OR10H1: variants seen among roughly 807,000 people sequenced by gnomAD.
OR10H1 encodes the protein olfactory receptor 10H1.
A neutral mutation model predicts 13.1 loss-of-function variants in OR10H1; 12 were observed. That is an observed-to-expected ratio of 0.92 (90% confidence interval 0.59 to 1.48). OR10H1 has a LOEUF of 1.48. Among genes scored for constraint, OR10H1 ranks in the 40% most tolerant of loss-of-function variants. The pLI is 0.00. For synonymous variants in OR10H1, 168 were observed against 175.6 expected (o/e 0.96, Z 0.34); for missense variants, 363 against 413.1 (o/e 0.88, Z 1.05).
chr19:15,808,093 A>C, intron 3 of OR10H1, 45 bp from the exon 4 acceptor site: 1 of 1,511,730 alleles, frequency 6.6e-7, no homozygotes, highest in Non-Finnish European at 9.1e-7. Flanking sequence ...TGCATGAAGA[A>C]AAGTTCTCAG....
intron 1 of OR10H1, among the ~76,000 whole-genome samples, 157 bp from the exon 2 acceptor site, chr19:15,813,035 T>C (rs1044675488): frequency 6.6e-6 from 1 of 152,060 alleles, no homozygotes; most frequent in Non-Finnish European, 1.5e-5. Flanking sequence ...ACATTGTGCA[T>C]TTGTCAAAAC....
intron 1 of OR10H1, among the ~76,000 whole-genome samples, chr19:15,814,315 CTCT>C (rs1227432163): frequency 6.6e-6 from 1 of 152,136 alleles, no homozygotes; most frequent in African/African-American, 2.4e-5. Context: ...TCCTGGCTCT[CTCT>C]TCTTAGTGAA....
chr19:15,807,829 T>A lies in OR10H1; in HGVS notation c.209A>T (p.Glu70Val). The part of the protein sequence containing the change: ...YLFLCALSVS[E>V]ILYTVAIIPR... ...GATGATGGCCACGGTGTAGAGGATC[T>A]CGGAGACGGAGAGGGCGCACAGGAA... The change falls in exon 4 of 4, where the codon GAG (glutamate) becomes GTG (valine). Residue 70 changes from glutamate to valine, a missense_variant. By Grantham distance (121) the Glu-to-Val change is moderately radical (BLOSUM62 -2). Transcript: ENST00000641419. 6.2e-7 allele frequency: 1 copy of A among 1,607,272 alleles called. No homozygotes were observed. The highest frequency in any genetic ancestry group is 2.2e-5 in the East Asian group (1 of 44,854).
intron 3 of OR10H1, among the ~76,000 whole-genome samples, chr19:15,808,474 C>T (rs2088915937): frequency 6.6e-6 from 1 of 152,128 alleles, no homozygotes; most frequent in South Asian, 2.1e-4. Context: ...ACGGCTTGAG[C>T]CCAAGAGTTT....
At chr19:15,809,827 T>C (rs77816322) in intron 2 of OR10H1, among the ~76,000 whole-genome samples, 1 of 147,852 alleles carries the variant, frequency 6.8e-6, no homozygotes, top group Non-Finnish European at 1.5e-5. Context: ...TTTTTTTTTT[T>C]CAAAAGACAG....
chr19:15,811,956 A>G (rs1352306178), intron 2 of OR10H1, among the ~76,000 whole-genome samples: 1 of 152,174 alleles, frequency 6.6e-6, no homozygotes, highest in East Asian at 1.9e-4. Flanking sequence ...AGTGCTGTGT[A>G]CTCAACAACA....
At chr19:15,814,588 C>T (rs145307419) in intron 1 of OR10H1, among the ~76,000 whole-genome samples, 1,886 of 151,826 alleles carry the variant, frequency 0.012, 35 homozygotes, top group African/African-American at 0.042. Flanking sequence ...TCACAGCTCA[C>T]TGCAGCCTTA....
rs1452106766 is a variant in OR10H1, at chr19:15,804,994, A to G, written c.*2087T>C. Reference sequence around the variant, plus strand: ...CCAGTGATGACGAGCATTTTTTCATATGTTTTTTGGCTGCATAAATGTCTT... The same window carrying G: ...CCAGTGATGACGAGCATTTTTTCATGTGTTTTTTGGCTGCATAAATGTCTT... On this transcript the variant is annotated 3_prime_UTR_variant, in exon 4 of 4. Transcript: ENST00000641419. 1 of 151,972 alleles carries G rather than the reference A, an allele frequency of 6.6e-6. No individual in the cohort carries two copies. The highest frequency in any genetic ancestry group is 1.5e-5 in the Non-Finnish European group (1 of 67,986). 9.4% of individuals were successfully genotyped at this position (151,972 alleles called of 1,614,324 possible).
rs888813211 is a variant in OR10H1, at chr19:15,806,927, A to G, written c.*154T>C. ...TTTTTAGTAGAGATGGGGTTTCGCC[A>G]TGTTAGCCATGCTGGTCTCAAACTC... On this transcript the variant is annotated 3_prime_UTR_variant, in exon 4 of 4. Transcript: ENST00000641419. 7 of 697,334 alleles carry G rather than the reference A, an allele frequency of 1.0e-5. No individual in the cohort carries two copies. In the African/African-American group the frequency reaches 1.2e-4, roughly 12 times the overall value. 43.2% of individuals were successfully genotyped at this position (697,334 alleles called of 1,614,324 possible). A position where few individuals can be genotyped will look rare whatever the true frequency, so the allele number is the denominator to read the frequency against.
intron 1 of OR10H1, among the ~76,000 whole-genome samples, chr19:15,814,468 TGTGTGTGTGTGTGAGAGAGAGAGAGAGA>T (rs1229943746): frequency 0.013 from 1,368 of 106,142 alleles, 10 homozygotes; most frequent in African/African-American, 0.042. Flanking sequence ...TGTGTGTGTG[TGTGTGTGTGTGTGAGAGAGAGAGAGAGA>T]GAGAGAGAGA....
intron 2 of OR10H1, among the ~76,000 whole-genome samples, chr19:15,809,569 A>G (rs1261015093): frequency 6.6e-6 from 1 of 152,176 alleles, no homozygotes; most frequent in African/African-American, 2.4e-5. Flanking sequence ...CTGGAATTAC[A>G]GAAGTGAGCC....
At chr19:15,814,472 TGTGTGTGTGA>T (rs1384666705) in intron 1 of OR10H1, among the ~76,000 whole-genome samples, 220 of 48,584 alleles carry the variant, frequency 4.5e-3, no homozygotes, top group African/African-American at 6.2e-3. Context: ...TGTGTGTGTG[TGTGTGTGTGA>T]GAGAGAGAGA....
At position 15,807,421 on chromosome 19, in the gene OR10H1, G is replaced by A. The variant is rs371707981; in HGVS notation, c.617C>T (p.Thr206Met). Residue 206 changes from threonine (T) to methionine (M), a missense_variant, in exon 4 of 4, where the codon ACG becomes ATG. By Grantham distance (81) the Thr-to-Met change is moderately conservative (BLOSUM62 -1). Around this residue, in one of 3 missense-constraint regions of OR10H1, gnomAD observed 318 missense variants for 366.6 expected, o/e 0.87. Coordinates refer to ENST00000641419, the MANE Select transcript of OR10H1 (RefSeq NM_013940.4). ...GAGGAGAAAACAGCCCAGCAGGGCC[G>A]TGATACACACCAAGCCCACGCCTTT... The part of the protein sequence containing the change: ...VAKGVGLVCI[T>M]ALLGCFLLIL... 22 of 1,614,162 alleles carry A rather than the reference G, an allele frequency of 1.4e-5. No homozygotes were observed. The African/African-American group carries it at 1.7e-4, about 13-fold the overall frequency.
intron 2 of OR10H1, among the ~76,000 whole-genome samples, chr19:15,810,913 G>T (rs148062139): frequency 0.026 from 3,887 of 150,674 alleles, 95 homozygotes; most frequent in African/African-American, 0.063. Flanking sequence ...ATAAAGAAAA[G>T]AAAATAAATA....
intron 1 of OR10H1, among the ~76,000 whole-genome samples, chr19:15,813,358 G>A (rs1054519268): frequency 2.6e-5 from 4 of 152,166 alleles, no homozygotes; most frequent in African/African-American, 9.7e-5. Flanking sequence ...AGGATTTAGA[G>A]CTTCTGGGCA....
At chr19:15,813,654 G>A (rs1344265376) in intron 1 of OR10H1, among the ~76,000 whole-genome samples, 4 of 144,378 alleles carry the variant, frequency 2.8e-5, no homozygotes, top group Non-Finnish European at 4.6e-5. Flanking sequence ...AGAGAAGTGG[G>A]GAGATAGAGA....
At chr19:15,811,323 A>G (rs763758374) in intron 2 of OR10H1, among the ~76,000 whole-genome samples, 1 of 152,082 alleles carries the variant, frequency 6.6e-6, no homozygotes, top group Non-Finnish European at 1.5e-5. Context: ...GTGCTCACAA[A>G]CCCTCTGTGG....
At position 15,813,147 on chromosome 19, in the gene OR10H1, T is replaced by TAA. The variant is rs5827309; in HGVS notation, c.-777-271_-777-270dup. On this transcript the variant is annotated intron_variant, in intron 1 of 3. Transcript: ENST00000641419. ...TTCATCAGTTGTAACAGATTAATGG[T>TAA]AAAAAAAAAAAAAAATCCCAGTTGC... is the stretch of plus-strand genomic sequence containing the variant. Among the ~76,000 whole-genome samples the TAA allele has an allele frequency of 9.9e-3, 1,443 of 145,256 alleles. 8 individuals carry two copies. The highest frequency in any genetic ancestry group is 0.016 in the South Asian group (72 of 4,508).
In OR10H1 at chr19:15,812,222, ATACTCACCAGTTGCTGGTGGCTG is replaced by A. The variant is rs1255480660; in HGVS notation, c.-144_-129+7del. On this transcript the variant is annotated splice_donor_variant and splice_donor_5th_base_variant and 5_prime_UTR_variant and intron_variant, in exon 2 of 4. Coordinates refer to ENST00000641419, the MANE Select transcript of OR10H1 (RefSeq NM_013940.4). LOFTEE classifies it low-confidence loss of function (5UTR_SPLICE). ...GCCTGTCTTTTCCTAACCTCTTGTT[ATACTCACCAGTTGCTGGTGGCTG>A]TTTCAAAGGCCACTAGGAGATGCTG... 31 of 152,288 alleles carry A rather than the reference ATACTCACCAGTTGCTGGTGGCTG, an allele frequency of 2.0e-4. No homozygotes were observed. Among genetic ancestry groups the A allele is most frequent in the African/African-American group, 7.0e-4 (29 of 41,514 alleles). The allele number at this position is 152,288 out of a possible 1,614,324, so 9.4% of individuals were successfully genotyped here.
Sources: gnomAD v4.1 joint callset for allele counts (sites outside exome capture counted in the v4.1 genomes callset) on GRCh38, gnomAD v4.1.1 for gene constraint, gnomAD v4.1.1 regional missense constraint, MANE v1.5 for transcripts, NCBI Gene and HGNC (gene_info 2026-07-23, HGNC 2026-07-21) for gene names.